Variants in BIN3 observed in about 807,000 individuals in gnomAD.
BIN3 encodes bridging integrator 3.
In BIN3, 41 loss-of-function variants were observed where a neutral mutation model predicts 38.2. The observed-to-expected ratio is 1.07, with a 90% confidence interval of 0.84 to 1.39. The LOEUF is 1.39. Ranked by LOEUF, BIN3 falls within the 40% of genes most tolerant of loss-of-function variation. The probability of loss-of-function intolerance (pLI) is 0.00; values close to 1 mark genes in which losing one functional copy is unlikely to be tolerated. For synonymous variants in BIN3, 145 were observed against 122.6 expected, an observed-to-expected ratio of 1.18 and a Z score of -1.21; for missense variants, 361 against 324.3, an observed-to-expected ratio of 1.11 and a Z score of -0.87.
chr8:22,661,352 C>CTGTTTTTTTT (rs1803230302), intron 1 of BIN3, among the ~76,000 whole-genome samples: 1 of 84,448 alleles, frequency 1.2e-5, no homozygotes, highest in Non-Finnish European at 2.1e-5. Flanking sequence ...ATGTATCATT[C>CTGTTTTTTTT]TTTTTTTTTT....
chr8:22,630,692 C>T, intron 4 of BIN3, 114 bp from the exon 5 acceptor site: 2 of 1,231,100 alleles, frequency 1.6e-6, no homozygotes, highest in Non-Finnish European at 2.2e-6. Context: ...CCTCTTCCCA[C>T]AGCCACGGCC....
intron 4 of BIN3, among the ~76,000 whole-genome samples, chr8:22,633,250 C>T (rs900284533): frequency 6.6e-6 from 1 of 152,074 alleles, no homozygotes; most frequent in Non-Finnish European, 1.5e-5. Flanking sequence ...CAGGAGGATC[C>T]CTTGAGCCCA....
chr8:22,650,670 C>T lies in BIN3; in HGVS notation c.9-5867G>A, dbSNP rs867748720. Among the ~76,000 whole-genome samples the T allele has an allele frequency of 1.5e-4, 23 of 152,314 alleles. No homozygotes were observed. The South Asian group carries it at 2.1e-3, about 14-fold the overall frequency. On this transcript the variant is annotated intron_variant, in intron 1 of 8. Coordinates refer to ENST00000276416, the MANE Select transcript of BIN3 (RefSeq NM_018688.6). ...CTCATTTGCCAGAAACAACCACTTT[C>T]AACTCAACTGAGTTTCTAGTATTTA...
At chr8:22,634,749 G>A (rs976741360) in intron 4 of BIN3, among the ~76,000 whole-genome samples, 1 of 152,176 alleles carries the variant, frequency 6.6e-6, no homozygotes, top group African/African-American at 2.4e-5. Context: ...CAACGGTTCC[G>A]GAGTGGGGGC....
At chr8:22,621,891 T>G (rs1801835398) in intron 8 of BIN3, among the ~76,000 whole-genome samples, 1 of 152,254 alleles carries the variant, frequency 6.6e-6, no homozygotes, top group Non-Finnish European at 1.5e-5. Context: ...GTTTTACTGC[T>G]TTTTGTAAGC....
chr8:22,648,939 G>GTATGTATGTATC (rs1554571196), intron 1 of BIN3, among the ~76,000 whole-genome samples: 57 of 151,978 alleles, frequency 3.8e-4, no homozygotes, highest in African/African-American at 1.3e-3. Context: ...ATGTATGTAT[G>GTATGTATGTATC]TAAGTGTGTG....
chr8:22,668,544 G>A (rs904119794), intron 1 of BIN3, among the ~76,000 whole-genome samples: 2 of 152,202 alleles, frequency 1.3e-5, no homozygotes, highest in African/African-American at 2.4e-5. Flanking sequence ...TTTAAAAAGA[G>A]AAGCAAGTTT....
intron 2 of BIN3, among the ~76,000 whole-genome samples, chr8:22,642,263 C>T (rs73671240): frequency 0.016 from 2,389 of 149,650 alleles, 57 homozygotes; most frequent in African/African-American, 0.054. Flanking sequence ...CAACAGAGTG[C>T]GTCACTGCTG....
rs1296117979 is a variant in BIN3 at position 22,621,295 on chromosome 8, C to G, written c.*127G>C. ...CAGGCTCAGGAAGAGTCATTCATTG[C>G]AAAGGGCCGGCAAGTGAACCAGGGC... On this transcript the variant is annotated 3_prime_UTR_variant, in exon 9 of 9. Coordinates refer to ENST00000276416, the MANE Select transcript of BIN3 (RefSeq NM_018688.6). 8.4e-6 allele frequency: 11 copies of G among 1,301,982 alleles called. No individual in the cohort carries two copies. The highest frequency in any genetic ancestry group is 1.1e-5 in the Non-Finnish European group (11 of 968,594). The allele number at this position is 1,301,982 out of a possible 1,614,324, so 80.7% of individuals were successfully genotyped here. A position where few individuals can be genotyped will look rare whatever the true frequency, so the allele number is the denominator to read the frequency against.
chr8:22,660,472 C>A (rs1392560100), intron 1 of BIN3, among the ~76,000 whole-genome samples: 3 of 152,184 alleles, frequency 2.0e-5, no homozygotes, highest in Non-Finnish European at 4.4e-5. Flanking sequence ...TACCAATCAG[C>A]AATTATAAAG....
At chr8:22,642,117 G>C (rs372366972) in intron 2 of BIN3, among the ~76,000 whole-genome samples, 3 of 152,196 alleles carry the variant, frequency 2.0e-5, no homozygotes, top group Non-Finnish European at 2.9e-5. Flanking sequence ...CCTGACAGTT[G>C]GGTGCCTTGA....
chr8:22,633,858 G>C (rs1296443535), intron 4 of BIN3, among the ~76,000 whole-genome samples: 1 of 152,174 alleles, frequency 6.6e-6, no homozygotes, highest in Non-Finnish European at 1.5e-5. Context: ...TGTCAGGCTC[G>C]CCTTGGCCCC....
In BIN3 at chr8:22,621,468, G is replaced by C; in HGVS notation, c.716C>G (p.Ala239Gly). Reference protein sequence around the residue: ...SDEQRERENEAKLSELRALSI... With the variant: ...SDEQRERENEGKLSELRALSI... Reference sequence around the variant, plus strand: ...GAGGGCCCGGAGCTCACTGAGTTTGGCCTCGTTCTCCCGCTCCCGCTGCTC... The same window carrying C: ...GAGGGCCCGGAGCTCACTGAGTTTGCCCTCGTTCTCCCGCTCCCGCTGCTC... The change falls in exon 9 of 9, where the codon GCC becomes GGC. Residue 239 changes from alanine (A) to glycine (G), a missense_variant. Physicochemically the swap from Ala to Gly is moderately conservative, Grantham distance 60. Transcript: ENST00000276416. The C allele has an allele frequency of 1.2e-6, 2 of 1,613,884 alleles. No individual in the cohort carries two copies. Among genetic ancestry groups the C allele is most frequent in the Non-Finnish European group, 1.7e-6 (2 of 1,179,890 alleles).
chr8:22,635,675 T>C (rs1054470821), intron 4 of BIN3, among the ~76,000 whole-genome samples: 2 of 152,148 alleles, frequency 1.3e-5, no homozygotes, highest in African/African-American at 4.8e-5. Context: ...TACCTGTGCT[T>C]CTCGGGTGAC....
chr8:22,638,892 C>T (rs1267753743), intron 2 of BIN3, among the ~76,000 whole-genome samples: 1 of 152,174 alleles, frequency 6.6e-6, no homozygotes, highest in Non-Finnish European at 1.5e-5. Context: ...CATTACTTAC[C>T]TTAGGATCCA....
chr8:22,631,013 T>C (rs76398127), intron 4 of BIN3, among the ~76,000 whole-genome samples: 5,085 of 152,290 alleles, frequency 0.033, 279 homozygotes, highest in African/African-American at 0.11. Flanking sequence ...CACATGCTTT[T>C]ACTACAAAAG....
chr8:22,655,395 AG>A (rs1803024798), intron 1 of BIN3, among the ~76,000 whole-genome samples: 1 of 152,126 alleles, frequency 6.6e-6, no homozygotes. Flanking sequence ...TTCTTCTAAG[AG>A]TTTTATAGTT....
At chr8:22,644,155 C>T (rs1802646530) in intron 2 of BIN3, among the ~76,000 whole-genome samples, 1 of 152,242 alleles carries the variant, frequency 6.6e-6, no homozygotes, top group South Asian at 2.1e-4. Flanking sequence ...CTATGAGCTT[C>T]CAGCTCTAAC....
intron 4 of BIN3, among the ~76,000 whole-genome samples, chr8:22,633,490 G>A (rs1802272827): frequency 6.6e-6 from 1 of 152,242 alleles, no homozygotes; most frequent in Admixed American, 6.5e-5. Flanking sequence ...CCGGGTCTCT[G>A]GAGTCCTGAT....
Sources: gnomAD v4.1 joint callset for allele counts (sites outside exome capture counted in the v4.1 genomes callset) on GRCh38, gnomAD v4.1.1 for gene constraint, MANE v1.5 for transcripts, NCBI Gene and HGNC (gene_info 2026-07-23, HGNC 2026-07-21) for gene names.